The following SLC35A3 variants were observed in gnomAD, a reference collection of about 807,000 sequenced individuals.
The protein encoded by SLC35A3 is UDP-N-acetylglucosamine transporter.
In SLC35A3, 26 loss-of-function variants were observed where a neutral mutation model predicts 39.0. The ratio of observed to expected loss-of-function variants is 0.67; its 90% CI spans 0.49 to 0.92. The LOEUF (loss-of-function observed/expected upper bound fraction) is 0.92. SLC35A3 is among the 40% of genes least tolerant of loss of function. The pLI, the probability that SLC35A3 is intolerant of heterozygous loss-of-function variation, is 0.00. For synonymous variants in SLC35A3, 135 were observed against 133.1 expected, an observed-to-expected ratio of 1.01 and a Z score of -0.10; for missense variants, 299 against 371.6, an observed-to-expected ratio of 0.80 and a Z score of 1.61.
chr1:100,001,779 A>G (rs979296712), intron 3 of SLC35A3, among the ~76,000 whole-genome samples: 1 of 152,078 alleles, frequency 6.6e-6, no homozygotes, highest in Non-Finnish European at 1.5e-5. Flanking sequence ...TTTGTCATAT[A>G]TGGCCTTTAT....
At chr1:100,006,633 G>T (rs1431029398) in intron 3 of SLC35A3, among the ~76,000 whole-genome samples, 4 of 152,152 alleles carry the variant, frequency 2.6e-5, no homozygotes, top group Admixed American at 2.6e-4. Flanking sequence ...GGAGGCCTGT[G>T]CAAGGACAGG....
At chr1:99,987,553 C>T (rs1657821835) in intron 1 of SLC35A3, among the ~76,000 whole-genome samples, 1 of 152,076 alleles carries the variant, frequency 6.6e-6, no homozygotes, top group Non-Finnish European at 1.5e-5. Context: ...GTAGGAATTG[C>T]TGAATTTAGT....
chr1:100,009,491 A>G (rs561452180), intron 4 of SLC35A3: 2 of 152,390 alleles, frequency 1.3e-5, no homozygotes, highest in South Asian at 2.1e-4. Context: ...GTATTGAGCC[A>G]GGAGCTTAGG....
At chr1:100,003,430 A>G (rs1658965577) in intron 3 of SLC35A3, among the ~76,000 whole-genome samples, 1 of 151,786 alleles carries the variant, frequency 6.6e-6, no homozygotes, top group Non-Finnish European at 1.5e-5. Flanking sequence ...AAAAAAAAAA[A>G]AAAAAAAAAG....
rs1335697109 is a variant in SLC35A3 at position 100,024,478 on chromosome 1, C to G, written c.*2002C>G. ...AGGCAGGAGAATTTCTTGAACACAC[C>G]AGGTGGAAGTTGCAGTGAGCCAAGA... On this transcript the variant is annotated 3_prime_UTR_variant, in exon 8 of 8. Transcript: ENST00000533028. 6.6e-6 allele frequency: 1 copy of G among 151,382 alleles called. No individual in the cohort carries two copies. The highest frequency in any genetic ancestry group is 2.0e-4 in the East Asian group (1 of 5,032). 9.4% of individuals were successfully genotyped at this position (151,382 alleles called of 1,614,324 possible). A position where few individuals can be genotyped will look rare whatever the true frequency, so the allele number is the denominator to read the frequency against.
chr1:99,979,044 G>A (rs1056373699), intron 1 of SLC35A3: 1 of 152,106 alleles, frequency 6.6e-6, no homozygotes, highest in African/African-American at 2.4e-5. Flanking sequence ...TTCCCTTAGG[G>A]AAGAAAAAAT....
intron 1 of SLC35A3, among the ~76,000 whole-genome samples, chr1:99,983,367 G>A (rs1657565954): frequency 6.6e-6 from 1 of 151,626 alleles, no homozygotes. Context: ...GTGAAACCCC[G>A]TCTCTACTAA....
intron 1 of SLC35A3, among the ~76,000 whole-genome samples, chr1:99,974,014 C>CAA (rs1251803858): frequency 1.0e-3 from 71 of 68,082 alleles, no homozygotes; most frequent in African/African-American, 1.9e-3. Flanking sequence ...GACTCCATCT[C>CAA]AAAAAAAAAA....
intron 4 of SLC35A3, 43 bp from the exon 5 acceptor site, chr1:100,011,322 G>A: frequency 9.3e-7 from 1 of 1,075,376 alleles, no homozygotes; most frequent in African/African-American, 1.6e-5. Context: ...TATGTAAAAT[G>A]TTATGGAAAT....
intron 1 of SLC35A3, among the ~76,000 whole-genome samples, chr1:99,975,618 C>T (rs935934950): frequency 2.6e-5 from 4 of 151,952 alleles, no homozygotes; most frequent in South Asian, 2.1e-4. Context: ...TTTAAAAAGA[C>T]GAATATTTGT....
intron 3 of SLC35A3, among the ~76,000 whole-genome samples, chr1:100,001,829 A>G (rs982741001): frequency 6.6e-6 from 1 of 152,060 alleles, no homozygotes; most frequent in African/African-American, 2.4e-5. Flanking sequence ...AATTTTATCA[A>G]ATGCTTTTTC....
chr1:100,017,853 G>T lies in SLC35A3; in HGVS notation c.887+38G>T, dbSNP rs1432165178. 1.0e-5 allele frequency: 14 copies of T among 1,348,270 alleles called. No homozygotes were observed. The East Asian group carries it at 3.1e-4, about 30-fold the overall frequency. The allele number at this position is 1,348,270 out of a possible 1,614,324, so 83.5% of individuals were successfully genotyped here. A position where few individuals can be genotyped will look rare whatever the true frequency, so the allele number is the denominator to read the frequency against. ...TTTCTATTTTTTTAAATCCCCAGAA[G>T]TATATAGAAAAATTAGAATTCTTTG... On this transcript the variant is annotated intron_variant, in intron 7 of 7. Coordinates refer to ENST00000533028, the MANE Select transcript of SLC35A3 (RefSeq NM_012243.3).
Position 99,993,660 on chromosome 1 carries a change from C to G in SLC35A3, c.106C>G (p.Arg36Gly). The change falls in exon 2 of 8, where the codon CGT becomes GGT. Residue 36 changes from arginine (R) to glycine (G), a missense_variant. By Grantham distance (125) the Arg-to-Gly change is moderately radical. Coordinates refer to ENST00000533028, the MANE Select transcript of SLC35A3 (RefSeq NM_012243.3). ...YSRTLKEEGP[R>G]YLSSTAVVVA... The stretch of plus-strand genomic sequence containing the variant: ...CAGAACTTTAAAAGAAGAAGGACCT[C>G]GTTATCTATCTTCTACAGCAGTGGT... The G allele has an allele frequency of 6.2e-7, 1 of 1,613,866 alleles. No homozygotes were observed. Among genetic ancestry groups the G allele is most frequent in the Non-Finnish European group, 8.5e-7 (1 of 1,179,908 alleles).
intron 4 of SLC35A3, among the ~76,000 whole-genome samples, chr1:100,010,046 A>C (rs1042426627): frequency 5.3e-5 from 8 of 152,204 alleles, no homozygotes; most frequent in Non-Finnish European, 1.2e-4. Context: ...ATTTAAATTT[A>C]ATTAGTTAAA....
At chr1:100,015,803 T>C in intron 6 of SLC35A3, 1 of 189,032 alleles carries the variant, frequency 5.3e-6, no homozygotes, top group African/African-American at 2.3e-5. Flanking sequence ...CATAGCCTCA[T>C]ATTGTAGTTA....
At chr1:100,013,181 A>G (rs1249321218) in intron 5 of SLC35A3, among the ~76,000 whole-genome samples, 1 of 152,162 alleles carries the variant, frequency 6.6e-6, no homozygotes, top group Non-Finnish European at 1.5e-5. Context: ...AAAGTCTTTT[A>G]TAAATTAAAA....
chr1:99,973,467 T>C, intron 1 of SLC35A3, among the ~76,000 whole-genome samples: 1 of 152,362 alleles, frequency 6.6e-6, no homozygotes, highest in East Asian at 1.9e-4. Flanking sequence ...TCATTGTTTC[T>C]TTAATGTATC....
rs190942611 is a variant in SLC35A3, at chr1:99,992,484, C to T, written c.-18-1053C>T. 1.8e-3 allele frequency among the ~76,000 whole-genome samples: 269 copies of T among 151,988 alleles called. 1 individual carries two copies. The highest frequency in any genetic ancestry group is 5.5e-3 in the African/African-American group (226 of 41,424). ...TTAAAGTAAGTCTCCTGGAGTAATA[C>T]TGAATTGCTTTAGGGAAAATATAGG... On this transcript the variant is annotated intron_variant, in intron 1 of 7. Transcript: ENST00000533028.
intron 1 of SLC35A3, among the ~76,000 whole-genome samples, chr1:99,975,278 AAG>A (rs1657049399): frequency 6.6e-6 from 1 of 152,158 alleles, no homozygotes; most frequent in African/African-American, 2.4e-5. Flanking sequence ...CAGAGTTATG[AAG>A]AGATCATTCT....
Sources: allele counts gnomAD v4.1 joint callset (sites outside exome capture counted in the v4.1 genomes callset), GRCh38; gene constraint gnomAD v4.1.1; transcripts MANE v1.5; gene names NCBI Gene and HGNC (gene_info 2026-07-23, HGNC 2026-07-21).